ROBO2: variants seen among roughly 807,000 people sequenced by gnomAD.
ROBO2 encodes roundabout guidance receptor 2.
ROBO2 carries 53 observed loss-of-function variants against 160.8 expected under a neutral mutation model. The ratio of observed to expected loss-of-function variants is 0.33; its 90% CI spans 0.26 to 0.41. ROBO2 has a LOEUF of 0.41. Ranked by LOEUF, ROBO2 falls within the 10% of genes least tolerant of loss-of-function variation. The pLI is 1.00. For missense variants in ROBO2, 1,577 were observed against 1,722.4 expected, an observed-to-expected ratio of 0.92 and a Z score of 1.49; for synonymous variants, 664 against 611.7, an observed-to-expected ratio of 1.09 and a Z score of -1.26.
chr3:76,525,172 A>G (rs1318777885), intron 2 of ROBO2, among the ~76,000 whole-genome samples: 1 of 151,916 alleles, frequency 6.6e-6, no homozygotes, highest in African/African-American at 2.4e-5. Context: ...CTTCTAGTAC[A>G]TAGAAGGCAT....
chr3:77,146,218 G>A (rs2077109444), intron 2 of ROBO2, among the ~76,000 whole-genome samples: 1 of 152,138 alleles, frequency 6.6e-6, no homozygotes, highest in South Asian at 2.1e-4. Flanking sequence ...GCCGCCCCCT[G>A]CTCCCAGCAC....
chr3:76,451,461 A>G (rs1290379878), intron 2 of ROBO2, among the ~76,000 whole-genome samples: 1 of 152,142 alleles, frequency 6.6e-6, no homozygotes, highest in Non-Finnish European at 1.5e-5. Context: ...AATATTCCAT[A>G]TTTGCCATCT....
At chr3:77,154,518 T>G (rs2077814992) in intron 2 of ROBO2, among the ~76,000 whole-genome samples, 2 of 152,068 alleles carry the variant, frequency 1.3e-5, no homozygotes, top group Non-Finnish European at 2.9e-5. Context: ...ATCCCATTTC[T>G]GGGTATATAT....
At chr3:76,252,139 C>A (rs1324499353) in intron 2 of ROBO2, among the ~76,000 whole-genome samples, 3 of 151,828 alleles carry the variant, frequency 2.0e-5, no homozygotes, top group Admixed American at 1.3e-4. Flanking sequence ...TATTTTAATA[C>A]CAAATTTAAT....
intron 2 of ROBO2, among the ~76,000 whole-genome samples, chr3:77,472,794 C>G (rs1482550182): frequency 6.6e-6 from 1 of 151,890 alleles, no homozygotes; most frequent in Admixed American, 6.6e-5. Flanking sequence ...CAATGTACAC[C>G]TGTTAGAAAA....
At chr3:77,486,230 A>G (rs960925891) in intron 4 of ROBO2, among the ~76,000 whole-genome samples, 14 of 152,108 alleles carry the variant, frequency 9.2e-5, no homozygotes, top group African/African-American at 2.9e-4. Flanking sequence ...TAGTGCTACA[A>G]TGAACATACG....
chr3:77,074,166 G>A (rs942207044), intron 1 of ROBO2, among the ~76,000 whole-genome samples: 3 of 152,114 alleles, frequency 2.0e-5, no homozygotes, highest in African/African-American at 7.2e-5. Context: ...TTTAGATTTA[G>A]CATACATACT....
chr3:76,453,937 T>G (rs576575711), intron 2 of ROBO2, among the ~76,000 whole-genome samples: 1 of 152,238 alleles, frequency 6.6e-6, no homozygotes, highest in South Asian at 2.1e-4. Context: ...GACATTCATG[T>G]GGAGTTGCAG....
chr3:77,316,976 A>G (rs1162122365), intron 2 of ROBO2: 2 of 1,466,590 alleles, frequency 1.4e-6, no homozygotes, highest in Non-Finnish European at 1.9e-6. Context: ...CCTGCTGTCC[A>G]GACGAGATTG....
chr3:76,181,702 A>G (rs1701512001), intron 2 of ROBO2, among the ~76,000 whole-genome samples: 1 of 151,914 alleles, frequency 6.6e-6, no homozygotes, highest in Non-Finnish European at 1.5e-5. Context: ...TCATTTCCTC[A>G]TTTTCTAGCT....
intron 2 of ROBO2, among the ~76,000 whole-genome samples, chr3:75,983,944 C>T (rs553413366): frequency 4.7e-4 from 71 of 151,486 alleles, no homozygotes; most frequent in African/African-American, 1.7e-3. Flanking sequence ...TCACTCTGCC[C>T]GATCCTTTGC....
At chr3:76,225,790 G>A (rs1559661319) in intron 2 of ROBO2, among the ~76,000 whole-genome samples, 1 of 152,062 alleles carries the variant, frequency 6.6e-6, no homozygotes, top group Non-Finnish European at 1.5e-5. Flanking sequence ...TTATAAAAAT[G>A]AATTCAGACT....
intron 2 of ROBO2, among the ~76,000 whole-genome samples, chr3:76,844,900 G>A (rs1266760751): frequency 6.6e-6 from 1 of 151,880 alleles, no homozygotes; most frequent in African/African-American, 2.4e-5. Context: ...GCAAAGTGAG[G>A]ACTGTTGTAT....
At chr3:76,767,680 C>T (rs1037128801) in intron 2 of ROBO2, among the ~76,000 whole-genome samples, 1 of 151,466 alleles carries the variant, frequency 6.6e-6, no homozygotes, top group African/African-American at 2.4e-5. Flanking sequence ...TAATGCTGTA[C>T]TCTTTTTTAT....
At chr3:76,551,488 G>A (rs1298498545) in intron 2 of ROBO2, among the ~76,000 whole-genome samples, 1 of 151,980 alleles carries the variant, frequency 6.6e-6, no homozygotes, top group Non-Finnish European at 1.5e-5. Context: ...CCACCTAATG[G>A]CAGGACTGAA....
At chr3:77,149,189 C>T (rs908741932) in intron 2 of ROBO2, among the ~76,000 whole-genome samples, 9 of 151,506 alleles carry the variant, frequency 5.9e-5, no homozygotes, top group African/African-American at 2.2e-4. Flanking sequence ...TGCACGCCAC[C>T]ACGCCTGGCT....
chr3:76,129,486 T>C (rs1576978403), intron 2 of ROBO2, among the ~76,000 whole-genome samples: 2 of 152,254 alleles, frequency 1.3e-5, no homozygotes, highest in East Asian at 1.9e-4. Flanking sequence ...GGATAATGCC[T>C]TTTATTGTAT....
intron 2 of ROBO2, among the ~76,000 whole-genome samples, chr3:77,292,607 A>T (rs1247287245): frequency 6.6e-6 from 1 of 151,012 alleles, no homozygotes; most frequent in African/African-American, 2.4e-5. Context: ...CACCCCAGAC[A>T]TAAAGTAAAA....
chr3:77,054,141 A>G (rs9844579), intron 1 of ROBO2, among the ~76,000 whole-genome samples: 4,545 of 152,254 alleles, frequency 0.03, 231 homozygotes, highest in African/African-American at 0.1. Context: ...CTAGAGAAGG[A>G]TTTTCCATTG....
Sources: allele counts gnomAD v4.1 joint callset (sites outside exome capture counted in the v4.1 genomes callset), GRCh38; gene constraint gnomAD v4.1.1; transcripts MANE v1.5; gene names NCBI Gene and HGNC (gene_info 2026-07-23, HGNC 2026-07-21).